Variants in LIN28B observed in about 807,000 individuals in gnomAD.
LIN28B encodes protein lin-28 homolog B.
A neutral mutation model predicts 21.9 loss-of-function variants in LIN28B; 5 were observed. The observed-to-expected ratio is 0.23, with a 90% CI of 0.12 to 0.48. The LOEUF (loss-of-function observed/expected upper bound fraction) is 0.48, where lower values mean the gene tolerates loss of function less well. Ranked by LOEUF, LIN28B falls within the 20% of genes least tolerant of loss-of-function variation. LIN28B has a pLI of 0.98. For missense variants in LIN28B, 245 were observed against 310.5 expected, an observed-to-expected ratio of 0.79 and a Z score of 1.58; for synonymous variants, 109 against 111.3, an observed-to-expected ratio of 0.98 and a Z score of 0.13.
chr6:105,041,268 A>G (rs1339462013), intron 3 of LIN28B, among the ~76,000 whole-genome samples: 1 of 151,958 alleles, frequency 6.6e-6, no homozygotes, highest in Admixed American at 6.6e-5. Context: ...TTTTTTTCTC[A>G]TTTAGGCATC....
At position 104,950,635 on chromosome 6, in the gene LIN28B, AG is replaced by A. The variant is rs2114552946; in HGVS notation, c.67+128del. On this transcript the variant is annotated intron_variant, in intron 3 of 5. Coordinates refer to the LIN28B transcript ENST00000635857. ...TCCATCCTTTCTACTTTGGCAAGAC[AG>A]GTACCAAGTCCTCCTATACTTCGTC... is the stretch of plus-strand genomic sequence containing the variant. The A allele has an allele frequency of 6.3e-6, 3 of 473,792 alleles. 1 individual carries two copies. The East Asian group carries it at 1.1e-4, about 17-fold the overall frequency. 29.3% of individuals were successfully genotyped at this position (473,792 alleles called of 1,614,324 possible).
intron 2 of LIN28B, among the ~76,000 whole-genome samples, chr6:104,965,407 A>G (rs1362733158): frequency 2.0e-5 from 3 of 152,178 alleles, no homozygotes; most frequent in Non-Finnish European, 2.9e-5. Flanking sequence ...GTGGTCCCAA[A>G]TATCAGGGAG....
At chr6:105,027,987 G>A (rs1027955196) in intron 3 of LIN28B, among the ~76,000 whole-genome samples, 8 of 152,164 alleles carry the variant, frequency 5.3e-5, no homozygotes, top group Admixed American at 3.9e-4. Flanking sequence ...GTCCATGAAT[G>A]TGTGTGAAAG....
At chr6:104,966,994 G>C (rs1488248432) in intron 2 of LIN28B, among the ~76,000 whole-genome samples, 1 of 151,894 alleles carries the variant, frequency 6.6e-6, no homozygotes. Flanking sequence ...TTGAACTCCT[G>C]GGCTCAAGGG....
intron 2 of LIN28B, among the ~76,000 whole-genome samples, chr6:105,019,848 C>T (rs903144604): frequency 2.6e-5 from 4 of 152,094 alleles, no homozygotes; most frequent in Non-Finnish European, 4.4e-5. Flanking sequence ...TAAAGAGTAA[C>T]GTGAAGCACC....
At chr6:104,978,971 A>C (rs973371140) in intron 2 of LIN28B, among the ~76,000 whole-genome samples, 2 of 152,154 alleles carry the variant, frequency 1.3e-5, no homozygotes, top group Non-Finnish European at 2.9e-5. Flanking sequence ...ATTCAGTCTG[A>C]AGGGAGCAGT....
At chr6:105,003,663 C>A (rs904904171) in intron 2 of LIN28B, among the ~76,000 whole-genome samples, 1 of 152,030 alleles carries the variant, frequency 6.6e-6, no homozygotes, top group Non-Finnish European at 1.5e-5. Flanking sequence ...CAGGGGTGCG[C>A]CACCATGCCC....
intron 2 of LIN28B, among the ~76,000 whole-genome samples, chr6:104,966,208 GT>G (rs1562074605): frequency 6.6e-6 from 1 of 152,172 alleles, no homozygotes; most frequent in Non-Finnish European, 1.5e-5. Context: ...ATGGGAATGA[GT>G]GTTTGGCTTC....
chr6:104,979,119 A>G (rs314290), intron 2 of LIN28B, among the ~76,000 whole-genome samples: 102,532 of 152,040 alleles, frequency 0.67, 34,653 homozygotes, highest in South Asian at 0.72. Context: ...GGTGTTATAT[A>G]TTGTATTGTT....
chr6:104,985,751 C>G (rs546044606), intron 2 of LIN28B, among the ~76,000 whole-genome samples: 1 of 152,224 alleles, frequency 6.6e-6, no homozygotes, highest in South Asian at 2.1e-4. Flanking sequence ...GCTGTGTTTT[C>G]TTCCACACAT....
chr6:104,948,774 T>G (rs1020102998), intron 2 of LIN28B, among the ~76,000 whole-genome samples: 2 of 152,218 alleles, frequency 1.3e-5, no homozygotes, highest in African/African-American at 4.8e-5. Context: ...TGAAAAACAT[T>G]AATTGTGAAA....
chr6:104,995,430 G>A (rs1056479387), intron 2 of LIN28B, among the ~76,000 whole-genome samples: 3 of 152,112 alleles, frequency 2.0e-5, no homozygotes, highest in Non-Finnish European at 4.4e-5. Context: ...CTCAGATTTG[G>A]GGGGGCCAGA....
intron 3 of LIN28B, among the ~76,000 whole-genome samples, chr6:105,037,016 T>G (rs960856809): frequency 5.9e-5 from 9 of 152,204 alleles, no homozygotes; most frequent in Non-Finnish European, 1.3e-4. Context: ...CACTTGTAAA[T>G]TTTAACGTCA....
At chr6:104,950,929 G>C (rs1162481803) in intron 3 of LIN28B, among the ~76,000 whole-genome samples, 1 of 152,130 alleles carries the variant, frequency 6.6e-6, no homozygotes, top group Non-Finnish European at 1.5e-5. Flanking sequence ...GAGACATGGT[G>C]CTGTTTTAAA....
upstream of LIN28B, among the ~76,000 whole-genome samples, chr6:104,955,115 A>G (rs1778268990): frequency 6.6e-6 from 1 of 152,176 alleles, no homozygotes; most frequent in South Asian, 2.1e-4. Flanking sequence ...AAAAATATAA[A>G]TTACTTTCTC....
chr6:105,003,479 T>G (rs1370546423), intron 2 of LIN28B, among the ~76,000 whole-genome samples: 1 of 152,032 alleles, frequency 6.6e-6, no homozygotes, highest in African/African-American at 2.4e-5. Context: ...AGATTAGATC[T>G]CTCTCTCTTT....
In LIN28B at chr6:105,050,599, A is replaced by T. The variant is rs1324885500; in HGVS notation, c.383+24117A>T. Among the ~76,000 whole-genome samples the T allele has an allele frequency of 6.2e-5, 5 of 80,904 alleles. No homozygotes were observed. The East Asian group carries it at 1.9e-3, about 31-fold the overall frequency. The allele number at this position is 80,904 out of a possible 152,430, so 53.1% of individuals were successfully genotyped here. On this transcript the variant is annotated intron_variant, in intron 3 of 3. Transcript: ENST00000345080. ...AGTCCAGCCTGGGCGACAGAGCGAG[A>T]CTCCGTCTCAAAAAAAAAAAAAAAA...
Position 105,026,248 on chromosome 6 carries a change from G to T in LIN28B, c.199-50G>T, listed in dbSNP as rs537260526. 1.5e-5 allele frequency: 15 copies of T among 967,836 alleles called. No individual in the cohort carries two copies. The South Asian group carries it at 2.4e-4, about 16-fold the overall frequency. 60.0% of individuals were successfully genotyped at this position (967,836 alleles called of 1,614,324 possible). A position where few individuals can be genotyped will look rare whatever the true frequency, so the allele number is the denominator to read the frequency against. On this transcript the variant is annotated intron_variant, in intron 2 of 3. Transcript: ENST00000345080. ...TTATAGAGATAATTTATAAAGCAAT[G>T]ATAATTTTAATCTCTCTTTTTCTCC...
At chr6:105,045,272 G>T (rs1363410077) in intron 3 of LIN28B, among the ~76,000 whole-genome samples, 4 of 144,072 alleles carry the variant, frequency 2.8e-5, no homozygotes, top group African/African-American at 5.2e-5. Context: ...TCATAAATTT[G>T]TATGTCATTC....
Sources: allele counts gnomAD v4.1 joint callset (sites outside exome capture counted in the v4.1 genomes callset), GRCh38; gene constraint gnomAD v4.1.1; transcripts MANE v1.5; gene names NCBI Gene and HGNC (gene_info 2026-07-23, HGNC 2026-07-21).